Variants in ADAM19 observed in about 807,000 individuals in gnomAD.
ADAM19 encodes disintegrin and metalloproteinase domain-containing protein 19.
ADAM19 carries 65 observed loss-of-function variants against 114.7 expected under a neutral mutation model. The ratio of observed to expected loss-of-function variants is 0.57; its 90% CI spans 0.46 to 0.70. ADAM19 has a LOEUF of 0.70. ADAM19 is among the 30% of genes least tolerant of loss of function. ADAM19 has a pLI of 0.00. For synonymous variants in ADAM19, 466 were observed against 460.5 expected (o/e 1.01, Z -0.15); for missense variants, 1,063 against 1,204.7 (o/e 0.88, Z 1.74).
At chr5:157,527,789 G>T (rs1756515989) in intron 5 of ADAM19, among the ~76,000 whole-genome samples, 1 of 152,088 alleles carries the variant, frequency 6.6e-6, no homozygotes, top group Non-Finnish European at 1.5e-5. Flanking sequence ...TGGAAATCTG[G>T]GGTGAGAAAG....
chr5:157,550,741 A>G (rs1169663398), intron 3 of ADAM19, among the ~76,000 whole-genome samples: 1 of 152,050 alleles, frequency 6.6e-6, no homozygotes, highest in Non-Finnish European at 1.5e-5. Flanking sequence ...CCCAAGCTCA[A>G]TAATCAACTC....
intron 11 of ADAM19, among the ~76,000 whole-genome samples, chr5:157,503,607 G>A (rs1035637684): frequency 6.6e-6 from 1 of 152,146 alleles, no homozygotes; most frequent in Admixed American, 6.5e-5. Flanking sequence ...AGCAATTTCT[G>A]CCCATTGCAT....
chr5:157,502,980 C>G lies in ADAM19; in HGVS notation c.1131G>C (p.Gly377=). 1 of 1,613,194 alleles carries G rather than the reference C, an allele frequency of 6.2e-7. No homozygotes were observed. The highest frequency in any genetic ancestry group is 1.1e-5 in the South Asian group (1 of 91,056). The change falls in exon 12 of 23, where the codon GGG becomes GGC. Residue 377 remains glycine, a splice_region_variant and synonymous_variant. Transcript: ENST00000257527. The part of the protein sequence containing the change: ...DGGCIMAAAT[G]HPFPKVFNGC... ...CATTGAACACTTTGGGAAAGGGGTG[C>G]CTGGCAGAGGACAAGGCTGGAATTA... is the stretch of plus-strand genomic sequence containing the variant.
At chr5:157,550,250 G>T (rs1365562749) in intron 3 of ADAM19, among the ~76,000 whole-genome samples, 1 of 2,228 alleles carries the variant, frequency 4.5e-4, no homozygotes, top group Non-Finnish European at 7.8e-4. Context: ...CAAGGAAAGG[G>T]CTTATCCCAG....
chr5:157,538,193 T>C (rs558355860), intron 3 of ADAM19, among the ~76,000 whole-genome samples: 3 of 152,318 alleles, frequency 2.0e-5, no homozygotes, highest in South Asian at 4.1e-4. Context: ...AAATTAAATA[T>C]AATTTATCAT....
chr5:157,509,532 T>C, intron 8 of ADAM19, 65 bp from the exon 9 acceptor site: 8 of 1,249,548 alleles, frequency 6.4e-6, no homozygotes, highest in Non-Finnish European at 8.5e-6. Context: ...GCCCCTTCCT[T>C]TCATTCTGGT....
Position 157,477,486 on chromosome 5 carries a change from C to A in ADAM19, c.*3463G>T. On this transcript the variant is annotated 3_prime_UTR_variant, in exon 23 of 23. Transcript: ENST00000257527. ...CCAAATAAAAAGAAAATTCACATTG[C>A]CCTGGATCCCAGACACATACAAACG... is the stretch of plus-strand genomic sequence containing the variant. 1 of 1,061,508 alleles carries A rather than the reference C, an allele frequency of 9.4e-7. No homozygotes were observed. Among genetic ancestry groups the A allele is most frequent in the Non-Finnish European group, 1.1e-6 (1 of 870,468 alleles). 65.8% of individuals were successfully genotyped at this position (1,061,508 alleles called of 1,614,324 possible).
chr5:157,556,966 C>T (rs1315784862), intron 3 of ADAM19, among the ~76,000 whole-genome samples: 1 of 152,162 alleles, frequency 6.6e-6, no homozygotes, highest in African/African-American at 2.4e-5. Context: ...TTGCAACCTT[C>T]ACCTCCTGGG....
Position 157,481,798 on chromosome 5 carries a change from G to A in ADAM19, c.2696C>T (p.Ala899Val). The change falls in exon 22 of 23, where the codon GCC becomes GTC. Residue 899 changes from alanine (A) to valine (V), a missense_variant. Around this residue, in one of 3 missense-constraint regions of ADAM19, gnomAD observed 424 missense variants for 445.5 expected, o/e 0.95. Coordinates refer to ENST00000257527, the MANE Select transcript of ADAM19 (RefSeq NM_033274.5). ...GGCTTCCCGTGGACTCACCTTTGGG[G>A]CAAGTGCTGCCAGAGGCCGGGACTG... ...PQQSRPLAALAPKFPEYRSQR... is the reference protein window; with the variant it reads ...PQQSRPLAALVPKFPEYRSQR... The A allele has an allele frequency of 1.9e-6, 3 of 1,572,756 alleles. No homozygotes were observed. The highest frequency in any genetic ancestry group is 2.3e-5 in the South Asian group (2 of 85,880).
At chr5:157,502,691 T>C (rs1320392199) in intron 12 of ADAM19, 112 bp downstream of exon 12, 8 of 1,193,290 alleles carry the variant, frequency 6.7e-6, no homozygotes, top group Admixed American at 5.5e-5. Flanking sequence ...TGGACAGTTA[T>C]ATGTAGGAAA....
At chr5:157,564,498 G>A (rs1757598261) in intron 2 of ADAM19, 55 bp from the exon 3 acceptor site, 1 of 1,521,570 alleles carries the variant, frequency 6.6e-7, no homozygotes, top group Non-Finnish European at 9.1e-7. Flanking sequence ...CAGGCTCCCT[G>A]GGTCGGGCAC....
chr5:157,513,554 A>T, intron 7 of ADAM19, 49 bp from the exon 8 acceptor site: 1 of 1,524,372 alleles, frequency 6.6e-7, no homozygotes, highest in African/African-American at 1.4e-5. Flanking sequence ...CTCTCACAGG[A>T]TGCTTCCTGC....
chr5:157,565,926 T>A (rs903660848), intron 2 of ADAM19: 2 of 151,546 alleles, frequency 1.3e-5, no homozygotes, highest in Non-Finnish European at 2.9e-5. Flanking sequence ...CTGACCAACA[T>A]GGTGAAACCC....
rs747995236 is a variant in ADAM19, at chr5:157,575,703, G to A, written c.-7C>T. 4.5e-6 allele frequency: 6 copies of A among 1,319,422 alleles called. No individual in the cohort carries two copies. The highest frequency in any genetic ancestry group is 4.8e-6 in the Non-Finnish European group (5 of 1,037,518). 81.7% of individuals were successfully genotyped at this position (1,319,422 alleles called of 1,614,324 possible). A position where few individuals can be genotyped will look rare whatever the true frequency, so the allele number is the denominator to read the frequency against. ...CGCCTGCGCCCCCTGGCATGGTGGC[G>A]GCGGCCCTTAGCGCTCGGCGCTCAC... is the stretch of plus-strand genomic sequence containing the variant. On this transcript the variant is annotated 5_prime_UTR_variant, in exon 1 of 23. Coordinates refer to ENST00000257527, the MANE Select transcript of ADAM19 (RefSeq NM_033274.5).
At chr5:157,509,554 T>A in intron 8 of ADAM19, 87 bp from the exon 9 acceptor site, 2 of 1,072,728 alleles carry the variant, frequency 1.9e-6, no homozygotes, top group Non-Finnish European at 2.5e-6. Flanking sequence ...GAGCTTGAGA[T>A]TAAAAAGAAA....
At chr5:157,565,159 G>A (rs192166408) in intron 2 of ADAM19, among the ~76,000 whole-genome samples, 2 of 152,142 alleles carry the variant, frequency 1.3e-5, no homozygotes, top group East Asian at 3.9e-4. Flanking sequence ...TATCCAGAAC[G>A]GATCACTTAA....
chr5:157,495,448 A>G (rs951107281), intron 14 of ADAM19, among the ~76,000 whole-genome samples: 4 of 152,238 alleles, frequency 2.6e-5, no homozygotes, highest in African/African-American at 9.6e-5. Flanking sequence ...TTTTAAAGAT[A>G]TAAGTATGTC....
intron 5 of ADAM19, among the ~76,000 whole-genome samples, chr5:157,526,114 G>A (rs1322342124): frequency 1.3e-5 from 2 of 151,170 alleles, no homozygotes; most frequent in African/African-American, 2.4e-5. Flanking sequence ...ATACAAAACT[G>A]TATGCATAGG....
At chr5:157,567,201 G>A (rs1180179457) in intron 2 of ADAM19, among the ~76,000 whole-genome samples, 1 of 152,128 alleles carries the variant, frequency 6.6e-6, no homozygotes, top group Non-Finnish European at 1.5e-5. Context: ...GGTCACCAAG[G>A]GCTCTGATGA....
Sources: allele counts gnomAD v4.1 joint callset (sites outside exome capture counted in the v4.1 genomes callset), GRCh38; gene constraint gnomAD v4.1.1; regional missense constraint gnomAD v4.1.1; transcripts MANE v1.5; gene names NCBI Gene and HGNC (gene_info 2026-07-23, HGNC 2026-07-21).